Variants in PKHD1 observed in about 807,000 individuals in gnomAD.
The protein encoded by PKHD1 is PKHD1 ciliary IPT domain containing fibrocystin/polyductin.
PKHD1 carries 291 observed loss-of-function variants against 412.0 expected under a neutral mutation model. The observed-to-expected ratio is 0.71, with a 90% CI of 0.64 to 0.78. The LOEUF (loss-of-function observed/expected upper bound fraction) is 0.78, where lower values mean the gene tolerates loss of function less well. Ranked by LOEUF, PKHD1 falls within the 30% of genes least tolerant of loss-of-function variation. The pLI, the probability that PKHD1 is intolerant of heterozygous loss-of-function variation, is 0.00. For missense variants in PKHD1, 4,825 were observed against 4,950.7 expected (o/e 0.97, Z 0.76); for synonymous variants, 1,777 against 1,821.5 (o/e 0.98, Z 0.62).
intron 31 of PKHD1, among the ~76,000 whole-genome samples, chr6:52,027,580 GAAAAA>G (rs1169046988): frequency 1.7e-5 from 2 of 118,190 alleles, no homozygotes; most frequent in Non-Finnish European, 1.9e-5. Context: ...AGAAGAAAAA[GAAAAA>G]AAAAAGAAAA....
chr6:51,824,363 A>G (rs1239437355), intron 52 of PKHD1, among the ~76,000 whole-genome samples: 1 of 152,124 alleles, frequency 6.6e-6, no homozygotes, highest in African/African-American at 2.4e-5. Context: ...TGAAAAGTTT[A>G]TTTACATTCA....
chr6:51,966,298 G>T (rs1409071127), intron 35 of PKHD1, among the ~76,000 whole-genome samples: 4 of 152,150 alleles, frequency 2.6e-5, no homozygotes, highest in African/African-American at 7.2e-5. Flanking sequence ...TTGAAGCAGG[G>T]AGGGGGACTT....
chr6:51,744,341 C>CA, intron 60 of PKHD1, 44 bp downstream of exon 60: 1 of 1,565,280 alleles, frequency 6.4e-7, no homozygotes, highest in Non-Finnish European at 8.8e-7. Flanking sequence ...CCTTCACAAG[C>CA]ACCCTTGCCT....
intron 60 of PKHD1, among the ~76,000 whole-genome samples, chr6:51,716,646 T>C (rs547276292): frequency 6.6e-6 from 1 of 152,116 alleles, no homozygotes; most frequent in East Asian, 1.9e-4. Context: ...TATAACTGAG[T>C]TCCAGCCAGT....
At chr6:51,705,236 T>C (rs1160757552) in intron 60 of PKHD1, among the ~76,000 whole-genome samples, 4 of 151,378 alleles carry the variant, frequency 2.6e-5, no homozygotes, top group Non-Finnish European at 4.4e-5. Flanking sequence ...CAAAGGAGGA[T>C]GGGATTTTAA....
rs562760210 is a variant in PKHD1 at position 51,621,469 on chromosome 6, G to A, written c.11786-1949C>T. Among the ~76,000 whole-genome samples the A allele has an allele frequency of 3.3e-5, 5 of 152,130 alleles. No individual in the cohort carries two copies. The East Asian group carries it at 5.8e-4, about 18-fold the overall frequency. ...CAAGAGGAATCAAACACTGCAAGTC[G>A]CCTATTTTCAACCCATTGAAGATAC... On this transcript the variant is annotated intron_variant, in intron 66 of 66. Coordinates refer to ENST00000371117, the MANE Select transcript of PKHD1 (RefSeq NM_138694.4).
chr6:51,934,073 C>A, intron 37 of PKHD1, 37 bp downstream of exon 37: 3 of 1,480,726 alleles, frequency 2.0e-6, no homozygotes, highest in Non-Finnish European at 2.8e-6. Flanking sequence ...CTAGACACAG[C>A]TCTACTTCAT....
At chr6:51,718,511 A>G (rs1397009490) in intron 60 of PKHD1, among the ~76,000 whole-genome samples, 1 of 152,254 alleles carries the variant, frequency 6.6e-6, no homozygotes, top group Non-Finnish European at 1.5e-5. Context: ...TAAAGGGTAC[A>G]TAGAAATATT....
chr6:51,893,286 C>T (rs989112706), intron 43 of PKHD1, among the ~76,000 whole-genome samples: 1 of 152,208 alleles, frequency 6.6e-6, no homozygotes, highest in Non-Finnish European at 1.5e-5. Flanking sequence ...TCACCTTTGC[C>T]AGCACAGATG....
intron 52 of PKHD1, among the ~76,000 whole-genome samples, chr6:51,808,182 A>G (rs1764135754): frequency 6.6e-6 from 1 of 152,214 alleles, no homozygotes; most frequent in Non-Finnish European, 1.5e-5. Context: ...AAAGCAAGGC[A>G]CACATAGTGT....
At chr6:51,639,601 C>CAA (rs34787950) in intron 63 of PKHD1, among the ~76,000 whole-genome samples, 1 of 150,438 alleles carries the variant, frequency 6.6e-6, no homozygotes, top group African/African-American at 2.4e-5. Flanking sequence ...AAAACAAAAA[C>CAA]AAAAAAAAAC....
chr6:52,050,082 A>T, intron 22 of PKHD1, 75 bp downstream of exon 22: 2 of 1,457,654 alleles, frequency 1.4e-6, no homozygotes, highest in Middle Eastern at 2.3e-4. Context: ...TTCCTGAAAA[A>T]AGTCACACCT....
At chr6:51,689,726 A>T (rs1777910012) in intron 60 of PKHD1, among the ~76,000 whole-genome samples, 1 of 152,172 alleles carries the variant, frequency 6.6e-6, no homozygotes, top group African/African-American at 2.4e-5. Context: ...GCCAAATCAC[A>T]AATGAACTCC....
chr6:52,004,928 G>A (rs1286057529), intron 35 of PKHD1, among the ~76,000 whole-genome samples: 1 of 152,086 alleles, frequency 6.6e-6, no homozygotes, highest in Non-Finnish European at 1.5e-5. Context: ...CTACATGATT[G>A]GTTAACTATT....
intron 35 of PKHD1, among the ~76,000 whole-genome samples, chr6:51,965,140 C>T (rs1042176223): frequency 2.6e-5 from 4 of 152,160 alleles, no homozygotes; most frequent in East Asian, 1.9e-4. Context: ...AATATAAAGG[C>T]GTTTCTCCCA....
chr6:51,794,759 A>T (rs1419680951), intron 52 of PKHD1, among the ~76,000 whole-genome samples: 2 of 152,196 alleles, frequency 1.3e-5, no homozygotes, highest in African/African-American at 4.8e-5. Flanking sequence ...TTCTCCCAGC[A>T]TCATTTATTA....
intron 37 of PKHD1, among the ~76,000 whole-genome samples, chr6:51,919,232 G>A (rs1200980410): frequency 1.3e-5 from 2 of 152,064 alleles, no homozygotes; most frequent in Non-Finnish European, 2.9e-5. Flanking sequence ...GTATTGCCTA[G>A]GTTTTTTTCT....
chr6:51,931,242 G>T (rs886425381), intron 37 of PKHD1, among the ~76,000 whole-genome samples: 1 of 152,024 alleles, frequency 6.6e-6, no homozygotes, highest in East Asian at 1.9e-4. Context: ...CTCCCAAAAG[G>T]CTCTTCTGTG....
chr6:51,754,692 A>T (rs772896796), intron 56 of PKHD1, 92 bp downstream of exon 56: 42 of 1,048,890 alleles, frequency 4.0e-5, no homozygotes, highest in African/African-American at 7.8e-5. Flanking sequence ...TTCCCCTCTG[A>T]ATGGCAATCA....
Sources: gnomAD v4.1 joint callset for allele counts (sites outside exome capture counted in the v4.1 genomes callset) on GRCh38, gnomAD v4.1.1 for gene constraint, MANE v1.5 for transcripts, NCBI Gene and HGNC (gene_info 2026-07-23, HGNC 2026-07-21) for gene names.